Variants in RPS10 observed in about 807,000 individuals in gnomAD.
RPS10 encodes ribosomal protein S10, also known as small ribosomal subunit protein eS10.
RPS10 carries 2 observed loss-of-function variants against 22.6 expected under a neutral mutation model. That is an observed-to-expected ratio of 0.09 (90% CI 0.04 to 0.28). The LOEUF (loss-of-function observed/expected upper bound fraction) is 0.28, where lower values mean the gene tolerates loss of function less well. RPS10 is among the 10% of genes least tolerant of loss of function. The pLI, the probability that RPS10 is intolerant of heterozygous loss-of-function variation, is 1.00. For missense variants in RPS10, 137 were observed against 222.2 expected (o/e 0.62, Z 2.44); for synonymous variants, 70 against 75.9 (o/e 0.92, Z 0.40).
chr6:34,420,500 G>T (rs1488538569), intron 4 of RPS10, among the ~76,000 whole-genome samples: 1 of 152,086 alleles, frequency 6.6e-6, no homozygotes, highest in Non-Finnish European at 1.5e-5. Flanking sequence ...TTACAGGCAT[G>T]AGCCACTGTG....
chr6:34,423,689 G>T, intron 3 of RPS10, among the ~76,000 whole-genome samples: 1 of 152,128 alleles, frequency 6.6e-6, no homozygotes. Context: ...TTCGAGCCCA[G>T]CCTGGCCAAC....
At chr6:34,421,706 A>C (rs925735455) in intron 4 of RPS10, 24 bp downstream of exon 4, 1 of 1,612,876 alleles carries the variant, frequency 6.2e-7, no homozygotes, top group Non-Finnish European at 8.5e-7. Context: ...CAACACCCCT[A>C]ATATAGGTGA....
intron 3 of RPS10, 37 bp from the exon 4 acceptor site, chr6:34,421,844 T>C (rs2113800381): frequency 5.0e-6 from 8 of 1,612,702 alleles, no homozygotes; most frequent in Non-Finnish European, 5.9e-6. Flanking sequence ...CACAGGGCAA[T>C]GTGAGAACTC....
chr6:34,419,633 A>T (rs1157067461), intron 4 of RPS10, among the ~76,000 whole-genome samples: 2 of 151,922 alleles, frequency 1.3e-5, no homozygotes, highest in African/African-American at 4.8e-5. Context: ...GCTGGAGTGC[A>T]ATGATGCAAT....
chr6:34,420,694 G>T (rs547978588), intron 4 of RPS10, among the ~76,000 whole-genome samples: 1 of 151,990 alleles, frequency 6.6e-6, no homozygotes, highest in African/African-American at 2.4e-5. Flanking sequence ...CCTTGCTTTT[G>T]TATTACAATC....
chr6:34,424,716 G>A lies in RPS10; in HGVS notation c.275C>T (p.Ala92Val). ...YLHLPPEIVP[A>V]TLRRSRPETG... The stretch of plus-strand genomic sequence containing the variant: ...CTCTGGACGGCTACGGCGTAGGGTG[G>A]CAGGCACAATCTCCGGGGGCAGATG... Residue 92 changes from alanine to valine, a missense_variant, in exon 3 of 6, where the codon GCC becomes GTC. Transcript: ENST00000648437. 6.2e-7 allele frequency: 1 copy of A among 1,614,168 alleles called. No homozygotes were observed. The highest frequency in any genetic ancestry group is 8.5e-7 in the Non-Finnish European group (1 of 1,180,028).
At chr6:34,425,005 T>G in intron 2 of RPS10, 67 bp downstream of exon 2, 1 of 1,610,546 alleles carries the variant, frequency 6.2e-7, no homozygotes, top group Non-Finnish European at 8.5e-7. Context: ...TCCATCCCAT[T>G]CCATCCCATC....
intron 5 of RPS10, 108 bp downstream of exon 5, chr6:34,418,261 G>A (rs1765643862): frequency 6.3e-7 from 1 of 1,586,896 alleles, no homozygotes; most frequent in African/African-American, 1.3e-5. Flanking sequence ...GAGGGAACTG[G>A]TTGACAGGAC....
Position 34,421,749 on chromosome 6 carries a change from G to A in RPS10, c.381C>T (p.Tyr127=). Residue 127 remains tyrosine, a synonymous_variant, in exon 4 of 6, where the codon TAC becomes TAT. Coordinates refer to ENST00000648437, the MANE Select transcript of RPS10 (RefSeq NM_001014.5). ...LTRGEADRDT[Y]RRSAVPPGAD... ...ACTCACGTGGCACAGCACTCCGTCT[G>A]TAGGTATCTCTGTCAGCTTCCCCTC... 1 of 1,613,896 alleles carries A rather than the reference G, an allele frequency of 6.2e-7. No individual in the cohort carries two copies. Among genetic ancestry groups the A allele is most frequent in the East Asian group, 2.2e-5 (1 of 44,870 alleles).
At chr6:34,417,941 A>G in intron 5 of RPS10, 1 of 718,360 alleles carries the variant, frequency 1.4e-6, no homozygotes, top group East Asian at 2.7e-5. Flanking sequence ...TGCCTGGATT[A>G]ACTAATCTCA....
At chr6:34,419,070 G>A (rs1765674333) in intron 4 of RPS10, among the ~76,000 whole-genome samples, 1 of 152,120 alleles carries the variant, frequency 6.6e-6, no homozygotes. Flanking sequence ...CCAGGCTAGA[G>A]TGCAATGGCG....
At position 34,420,033 on chromosome 6, in the gene RPS10, C is replaced by T. The variant is rs974469202; in HGVS notation, c.401-1609G>A. Among the ~76,000 whole-genome samples, 3 of 152,252 alleles carry T rather than the reference C, an allele frequency of 2.0e-5. No homozygotes were observed. The East Asian group carries it at 5.8e-4, about 29-fold the overall frequency. On this transcript the variant is annotated intron_variant, in intron 4 of 5. Transcript: ENST00000648437. The stretch of plus-strand genomic sequence containing the variant: ...AAGTAGCTGGGACTATAGGCACATA[C>T]CACCATTCCCAACTCACTTTTACAA...
chr6:34,424,096 G>C lies in RPS10; in HGVS notation c.322+573C>G, dbSNP rs141522730. On this transcript the variant is annotated intron_variant, in intron 3 of 5. Transcript: ENST00000648437. ...GATAAAATACAGGCCAAGCACGGTG[G>C]CTTACCACCGCACTCCAGGCTGGGC... Among the ~76,000 whole-genome samples, 866 of 120,832 alleles carry C rather than the reference G, an allele frequency of 7.2e-3. 8 individuals are homozygous for C. Among genetic ancestry groups the C allele is most frequent in the Non-Finnish European group, 0.011 (692 of 62,214 alleles). The allele number at this position is 120,832 out of a possible 152,430, so 79.3% of individuals were successfully genotyped here. A position where few individuals can be genotyped will look rare whatever the true frequency, so the allele number is the denominator to read the frequency against.
chr6:34,425,241 G>C lies in RPS10; in HGVS notation c.1-20C>G. On this transcript the variant is annotated intron_variant, in intron 1 of 5. Transcript: ENST00000648437. ...CAACATCTGCAAGAAGGAGACGATTGTCAAGAGCACTTCTGAGTAACGAGG... is the reference window on the plus strand; with the variant it reads ...CAACATCTGCAAGAAGGAGACGATTCTCAAGAGCACTTCTGAGTAACGAGG... 6.3e-7 allele frequency: 1 copy of C among 1,595,068 alleles called. No homozygotes were observed. Among genetic ancestry groups the C allele is most frequent in the Non-Finnish European group, 8.5e-7 (1 of 1,170,768 alleles).
At chr6:34,420,386 C>A (rs1157942827) in intron 4 of RPS10, among the ~76,000 whole-genome samples, 3 of 152,030 alleles carry the variant, frequency 2.0e-5, no homozygotes, top group Non-Finnish European at 4.4e-5. Context: ...TCATGCCCAG[C>A]TAATTTTTTA....
rs1421174425 is a variant in RPS10, at chr6:34,424,656, G to A, written c.322+13C>T. 1.2e-6 allele frequency: 2 copies of A among 1,613,908 alleles called. No individual in the cohort carries two copies. The highest frequency in any genetic ancestry group is 1.7e-6 in the Non-Finnish European group (2 of 1,179,936). ...TCTTCAAATAGCTGAAGGGATTTGT[G>A]TGGGAACCATACCTTTAGGCCGAGG... On this transcript the variant is annotated intron_variant, in intron 3 of 5. Transcript: ENST00000648437.
chr6:34,424,861 G>C (rs1433359738), intron 2 of RPS10, 21 bp from the exon 3 acceptor site: 1 of 1,613,600 alleles, frequency 6.2e-7, no homozygotes, highest in East Asian at 2.2e-5. Flanking sequence ...GAAAACTACT[G>C]TTAAGGCGTT....
At chr6:34,424,426 T>C (rs1765882955) in intron 3 of RPS10, 1 of 529,692 alleles carries the variant, frequency 1.9e-6, no homozygotes, top group Non-Finnish European at 3.4e-6. Context: ...TATCTGGATG[T>C]TTGTACAGGT....
intron 3 of RPS10, among the ~76,000 whole-genome samples, chr6:34,422,672 TG>T (rs1272237368): frequency 6.6e-6 from 1 of 151,380 alleles, no homozygotes; most frequent in Non-Finnish European, 1.5e-5. Context: ...TTAGACAGGC[TG>T]GTCTTGAACT....
Sources: gnomAD v4.1 joint callset for allele counts (sites outside exome capture counted in the v4.1 genomes callset) on GRCh38, gnomAD v4.1.1 for gene constraint, MANE v1.5 for transcripts, NCBI Gene and HGNC (gene_info 2026-07-23, HGNC 2026-07-21) for gene names.